Variants in COPS7A observed in about 807,000 individuals in gnomAD.
COPS7A encodes COP9 signalosome complex subunit 7a.
COPS7A carries 20 observed loss-of-function variants against 35.2 expected under a neutral mutation model. The observed-to-expected ratio is 0.57, with a 90% CI of 0.40 to 0.83. The LOEUF (loss-of-function observed/expected upper bound fraction) is 0.83. COPS7A is among the 40% of genes least tolerant of loss of function. The pLI, the probability that COPS7A is intolerant of heterozygous loss-of-function variation, is 0.00. For synonymous variants in COPS7A, 139 were observed against 141.4 expected, an observed-to-expected ratio of 0.98 and a Z score of 0.12; for missense variants, 247 against 347.5, an observed-to-expected ratio of 0.71 and a Z score of 2.30.
Position 6,729,265 on chromosome 12 carries a change from T to C in COPS7A, c.346T>C (p.Leu116=). The C allele has an allele frequency of 6.2e-7, 1 of 1,614,154 alleles. No homozygotes were observed. Among genetic ancestry groups the C allele is most frequent in the Non-Finnish European group, 8.5e-7 (1 of 1,180,038 alleles). The change falls in exon 5 of 8, where the codon TTG becomes CTG. Residue 116 remains leucine (L), a synonymous_variant. Coordinates refer to ENST00000543155, the MANE Select transcript of COPS7A (RefSeq NM_001164094.2). This position sits in a 1 kb window ranked among gnomAD's most constrained non-coding sequence, Gnocchi z 4.2. ...GCCCCAGTGTATCCCATATGCAGTG[T>C]TGCTGGAGGCTCTTGCCCTGCGTAA... is the stretch of plus-strand genomic sequence containing the variant. ...AKVKCIPYAV[L]LEALALRNVR...
rs908954265 is a variant in COPS7A at position 6,729,170 on chromosome 12, A to G, written c.328-77A>G. 6 of 1,493,294 alleles carry G rather than the reference A, an allele frequency of 4.0e-6. No homozygotes were observed. The highest frequency in any genetic ancestry group is 5.6e-6 in the Non-Finnish European group (6 of 1,074,436). 92.5% of individuals were successfully genotyped at this position (1,493,294 alleles called of 1,614,324 possible). The stretch of plus-strand genomic sequence containing the variant: ...AGGGCAGGTGGGCTAGGGCAGGGGG[A>G]AAAGGAGGGAAGATTTTTGGAAGCC... On this transcript the variant is annotated intron_variant, in intron 4 of 7. Coordinates refer to ENST00000543155, the MANE Select transcript of COPS7A (RefSeq NM_001164094.2). The surrounding 1 kb of genome is among the most constrained non-coding windows in gnomAD (Gnocchi z 4.2).
At position 6,724,768 on chromosome 12, in the gene COPS7A, C is replaced by G; in HGVS notation, c.112C>G (p.Pro38Ala). The change falls in exon 2 of 8, where the codon CCT becomes GCT. Residue 38 changes from proline (P) to alanine (A), a missense_variant. Pro to Ala is a conservative substitution (Grantham distance 27). Coordinates refer to ENST00000543155, the MANE Select transcript of COPS7A (RefSeq NM_001164094.2). ...ATLIHQVLEAPGVYVFGELLD... is the reference protein window; with the variant it reads ...ATLIHQVLEAAGVYVFGELLD... ...ACTCATCCATCAGGTGCTGGAGGCC[C>G]CTGGTGTCTACGTGTTTGGAGAACT... 1 of 1,614,118 alleles carries G rather than the reference C, an allele frequency of 6.2e-7. No homozygotes were observed. The highest frequency in any genetic ancestry group is 8.5e-7 in the Non-Finnish European group (1 of 1,180,028).
In COPS7A at chr12:6,729,257, A is replaced by G. The variant is rs1282178428; in HGVS notation, c.338A>G (p.Tyr113Cys). The G allele has an allele frequency of 1.9e-6, 3 of 1,613,998 alleles. No individual in the cohort carries two copies. The highest frequency in any genetic ancestry group is 1.3e-5 in the African/African-American group (1 of 74,894). The change falls in exon 5 of 8, where the codon TAT (tyrosine) becomes TGT (cysteine). Residue 113 changes from tyrosine (Y) to cysteine (C), a missense_variant. Transcript: ENST00000543155. The surrounding 1 kb of genome is among the most constrained non-coding windows in gnomAD (Gnocchi z 4.2). ...TLAAKVKCIP[Y>C]AVLLEALALR... ...TCTCCGCGGCCCCAGTGTATCCCATATGCAGTGTTGCTGGAGGCTCTTGCC... is the reference window on the plus strand; with the variant it reads ...TCTCCGCGGCCCCAGTGTATCCCATGTGCAGTGTTGCTGGAGGCTCTTGCC...
intron 6 of COPS7A, 70 bp from the exon 7 acceptor site, chr12:6,730,599 C>A (rs2137759485): frequency 6.2e-7 from 1 of 1,610,860 alleles, no homozygotes; most frequent in Non-Finnish European, 8.5e-7. Context: ...CTGTAGCAGA[C>A]AACCAGATGA....
chr12:6,731,158 C>A lies in COPS7A; in HGVS notation c.*119C>A. ...TGATAATCCTAGGTTCATGACCCTT[C>A]ACCTCCCCTAACCCCAAACATAGAT... On this transcript the variant is annotated 3_prime_UTR_variant, in exon 8 of 8. Coordinates refer to ENST00000543155, the MANE Select transcript of COPS7A (RefSeq NM_001164094.2). The A allele has an allele frequency of 6.3e-7, 1 of 1,594,570 alleles. No homozygotes were observed. Among genetic ancestry groups the A allele is most frequent in the Non-Finnish European group, 8.5e-7 (1 of 1,169,606 alleles).
At chr12:6,727,534 G>A (rs1941287156) in intron 2 of COPS7A, 1 of 384,886 alleles carries the variant, frequency 2.6e-6, no homozygotes, top group Admixed American at 3.2e-5. Flanking sequence ...TGGTGAATTG[G>A]GGAGTACTGG....
At chr12:6,726,715 C>T (rs1248974331) in intron 2 of COPS7A, among the ~76,000 whole-genome samples, 5 of 149,330 alleles carry the variant, frequency 3.3e-5, no homozygotes, top group Admixed American at 1.3e-4. Flanking sequence ...GAGCCGAGGT[C>T]GCGCCACTGC....
At position 6,724,747 on chromosome 12, in the gene COPS7A, A is replaced by T. The variant is rs754279549; in HGVS notation, c.91A>T (p.Ile31Phe). 1 of 1,614,130 alleles carries T rather than the reference A, an allele frequency of 6.2e-7. No individual in the cohort carries two copies. The highest frequency in any genetic ancestry group is 2.2e-5 in the East Asian group (1 of 44,880). The change falls in exon 2 of 8, where the codon ATC becomes TTC. Residue 31 changes from isoleucine to phenylalanine, a missense_variant. Transcript: ENST00000543155. ...SAKGAALATL[I>F]HQVLEAPGVY... ...CAAGGGGGCAGCGCTGGCCACACTC[A>T]TCCATCAGGTGCTGGAGGCCCCTGG...
chr12:6,724,844 CAG>C, intron 2 of COPS7A, 26 bp downstream of exon 2: 1 of 1,610,536 alleles, frequency 6.2e-7, no homozygotes, highest in Admixed American at 1.7e-5. Flanking sequence ...GAATAGCCCT[CAG>C]AGAAGCGTGG....
intron 2 of COPS7A, among the ~76,000 whole-genome samples, chr12:6,726,220 T>C (rs908286467): frequency 2.4e-4 from 36 of 149,724 alleles, no homozygotes; most frequent in African/African-American, 7.6e-4. Flanking sequence ...AGGGTGAGGC[T>C]GAGGTTGCAG....
At chr12:6,726,926 C>G (rs989120662) in intron 2 of COPS7A, among the ~76,000 whole-genome samples, 1 of 152,156 alleles carries the variant, frequency 6.6e-6, no homozygotes, top group African/African-American at 2.4e-5. Flanking sequence ...ATTTATTTAG[C>G]AAGTATTTCT....
intron 2 of COPS7A, among the ~76,000 whole-genome samples, chr12:6,725,157 CTTTTT>C (rs60514531): frequency 7.2e-6 from 1 of 139,544 alleles, no homozygotes. Context: ...TCAGCTTTCT[CTTTTT>C]TTTTTTTTTT....
rs1941397932 is a variant in COPS7A at position 6,731,600 on chromosome 12, T to A, written c.*561T>A. Reference sequence around the variant, plus strand: ...CTACAGTCATTTCTTTTCCTCTCTCTGGCCCTTGGGTCCTGGGAATGCTGC... The same window carrying A: ...CTACAGTCATTTCTTTTCCTCTCTCAGGCCCTTGGGTCCTGGGAATGCTGC... On this transcript the variant is annotated 3_prime_UTR_variant, in exon 8 of 8. Transcript: ENST00000543155. 1 of 157,172 alleles carries A rather than the reference T, an allele frequency of 6.4e-6. No homozygotes were observed. The highest frequency in any genetic ancestry group is 2.0e-4 in the South Asian group (1 of 4,896). The allele number at this position is 157,172 out of a possible 1,614,324, so 9.7% of individuals were successfully genotyped here. A position where few individuals can be genotyped will look rare whatever the true frequency, so the allele number is the denominator to read the frequency against.
chr12:6,726,551 C>T (rs965460355), intron 2 of COPS7A, among the ~76,000 whole-genome samples: 23 of 150,176 alleles, frequency 1.5e-4, no homozygotes, highest in African/African-American at 4.2e-4. Context: ...TGCAGTGAGC[C>T]GAGATTGCAC....
intron 2 of COPS7A, among the ~76,000 whole-genome samples, chr12:6,727,328 C>G (rs1941281991): frequency 8.9e-6 from 1 of 112,876 alleles, no homozygotes; most frequent in Non-Finnish European, 1.7e-5. Flanking sequence ...CAGAGGGAGA[C>G]TCTGTCTCAA....
intron 2 of COPS7A, among the ~76,000 whole-genome samples, chr12:6,725,465 C>T (rs1469473715): frequency 6.6e-6 from 1 of 152,078 alleles, no homozygotes; most frequent in Non-Finnish European, 1.5e-5. Context: ...CCAACTTTCT[C>T]TTTTAAAAAT....
At chr12:6,728,584 C>A (rs7312266) in intron 4 of COPS7A, among the ~76,000 whole-genome samples, 4,499 of 152,294 alleles carry the variant, frequency 0.03, 216 homozygotes, top group African/African-American at 0.1. Context: ...TGTCGTTCAA[C>A]AATACCTTCT....
intron 1 of COPS7A, 33 bp from the exon 2 acceptor site, chr12:6,724,581 G>C (rs1253420365): frequency 6.3e-7 from 1 of 1,578,716 alleles, no homozygotes; most frequent in African/African-American, 1.3e-5. Flanking sequence ...CAGCCATCGG[G>C]GACCTCTAGC....
intron 2 of COPS7A, among the ~76,000 whole-genome samples, chr12:6,726,910 T>A (rs1484072710): frequency 1.3e-5 from 2 of 152,216 alleles, no homozygotes; most frequent in Non-Finnish European, 2.9e-5. Context: ...GAAATCTGAA[T>A]TATTTATTTA....
Sources: gnomAD v4.1 joint callset for allele counts (sites outside exome capture counted in the v4.1 genomes callset) on GRCh38, gnomAD v4.1.1 for gene constraint, Gnocchi (gnomAD v3.1) non-coding constraint, MANE v1.5 for transcripts, NCBI Gene and HGNC (gene_info 2026-07-23, HGNC 2026-07-21) for gene names.